CEP128: variants seen among roughly 807,000 people sequenced by gnomAD.
The protein encoded by CEP128 is centrosomal protein 128.
A neutral mutation model predicts 156.7 loss-of-function variants in CEP128; 132 were observed. The ratio of observed to expected loss-of-function variants is 0.84; its 90% CI spans 0.73 to 0.97. The LOEUF is 0.97. Among genes scored for constraint, CEP128 ranks in the 50% least tolerant of loss-of-function variants. CEP128 has a pLI of 0.00. For missense variants in CEP128, 1,252 were observed against 1,281.9 expected (o/e 0.98, Z 0.36); for synonymous variants, 469 against 448.9 (o/e 1.04, Z -0.57).
At chr14:80,739,246 C>T (rs774699857) in intron 19 of CEP128, among the ~76,000 whole-genome samples, 3 of 151,966 alleles carry the variant, frequency 2.0e-5, no homozygotes, top group Non-Finnish European at 4.4e-5. Flanking sequence ...AAGATTAGAC[C>T]CAATTACAGA....
At chr14:80,834,402 T>C (rs74064586) in intron 12 of CEP128, among the ~76,000 whole-genome samples, 9,816 of 152,206 alleles carry the variant, frequency 0.064, 1,049 homozygotes, top group African/African-American at 0.22. Flanking sequence ...TAGCAAATCA[T>C]GCAAAGTCAA....
chr14:80,716,909 A>C (rs1897627925), intron 19 of CEP128, among the ~76,000 whole-genome samples: 2 of 152,112 alleles, frequency 1.3e-5, no homozygotes, highest in Admixed American at 1.3e-4. Flanking sequence ...TATCTTTTTT[A>C]TTATAGCTGT....
upstream of CEP128, among the ~76,000 whole-genome samples, chr14:80,945,307 C>T (rs1463675378): frequency 1.3e-5 from 2 of 152,154 alleles, no homozygotes; most frequent in Non-Finnish European, 2.9e-5. Flanking sequence ...CTAATTTAAA[C>T]TTAACTACCT....
chr14:80,818,971 T>A (rs995786757), intron 13 of CEP128, among the ~76,000 whole-genome samples: 4 of 152,324 alleles, frequency 2.6e-5, no homozygotes, highest in South Asian at 2.1e-4. Flanking sequence ...TTTCTTAAGA[T>A]TTAGAGTTCC....
intron 9 of CEP128, among the ~76,000 whole-genome samples, chr14:80,845,057 C>A (rs137890786): frequency 6.6e-6 from 1 of 152,192 alleles, no homozygotes; most frequent in East Asian, 1.9e-4. Context: ...CTAACTAGAC[C>A]AGAGACTATG....
intron 4 of CEP128, among the ~76,000 whole-genome samples, chr14:80,907,359 G>A (rs780296374): frequency 4.6e-5 from 7 of 151,872 alleles, no homozygotes; most frequent in Non-Finnish European, 8.8e-5. Flanking sequence ...TTGAGTATTC[G>A]CCAGCCAGCT....
In CEP128 at chr14:80,914,243, G is replaced by T; in HGVS notation, c.234+79C>A. The stretch of plus-strand genomic sequence containing the variant: ...CACTTCACAATGGTTTTTTCCTTTA[G>T]CTCACAGCCCCATTCCCCAAAACAC... On this transcript the variant is annotated intron_variant, in intron 4 of 24. Coordinates refer to ENST00000555265, the MANE Select transcript of CEP128 (RefSeq NM_152446.5). 3.1e-6 allele frequency: 3 copies of T among 961,692 alleles called. No homozygotes were observed. The Admixed American group carries it at 5.6e-5, about 18-fold the overall frequency. The allele number at this position is 961,692 out of a possible 1,614,324, so 59.6% of individuals were successfully genotyped here. A position where few individuals can be genotyped will look rare whatever the true frequency, so the allele number is the denominator to read the frequency against.
chr14:80,533,085 T>C (rs891919317), intron 21 of CEP128, among the ~76,000 whole-genome samples: 1 of 152,184 alleles, frequency 6.6e-6, no homozygotes, highest in Non-Finnish European at 1.5e-5. Flanking sequence ...GAAAGATTCA[T>C]CAAAATGATG....
chr14:80,805,250 G>A (rs1189669010), intron 13 of CEP128, among the ~76,000 whole-genome samples: 1 of 152,066 alleles, frequency 6.6e-6, no homozygotes, highest in African/African-American at 2.4e-5. Context: ...TAGAGATTTG[G>A]AATGTGGAAA....
intron 9 of CEP128, among the ~76,000 whole-genome samples, chr14:80,850,597 C>G (rs1886841848): frequency 6.6e-6 from 1 of 152,126 alleles, no homozygotes; most frequent in Non-Finnish European, 1.5e-5. Context: ...TCTTTCTGTC[C>G]ATTATTTGCA....
downstream of CEP128, among the ~76,000 whole-genome samples, chr14:80,485,548 T>A (rs1175497199): frequency 6.6e-6 from 1 of 152,178 alleles, no homozygotes; most frequent in African/African-American, 2.4e-5. Context: ...TACTGAAACA[T>A]ATAGGTCTAG....
chr14:80,710,321 T>C (rs1897357431), intron 19 of CEP128, among the ~76,000 whole-genome samples: 1 of 152,048 alleles, frequency 6.6e-6, no homozygotes. Context: ...GTATGATATA[T>C]TGAGTATAGG....
intron 19 of CEP128, among the ~76,000 whole-genome samples, chr14:80,606,938 C>G (rs1237549905): frequency 6.6e-6 from 1 of 151,654 alleles, no homozygotes; most frequent in African/African-American, 2.4e-5. Flanking sequence ...CATTATTACT[C>G]TCTAAACTCT....
In CEP128 at chr14:80,621,005, T is replaced by C. The variant is rs368019729; in HGVS notation, c.2807-40582A>G. Among the ~76,000 whole-genome samples, 58 of 152,216 alleles carry C rather than the reference T, an allele frequency of 3.8e-4. 1 individual carries two copies. Among genetic ancestry groups the C allele is most frequent in the African/African-American group, 1.2e-3 (51 of 41,560 alleles). On this transcript the variant is annotated intron_variant, in intron 19 of 24. Coordinates refer to ENST00000555265, the MANE Select transcript of CEP128 (RefSeq NM_152446.5). Reference sequence around the variant, plus strand: ...ATGATATATACCAAATTCAGGATAATTGTCACATCTAAAGCCTGAGGGAAA... The same window carrying C: ...ATGATATATACCAAATTCAGGATAACTGTCACATCTAAAGCCTGAGGGAAA...
intron 14 of CEP128, among the ~76,000 whole-genome samples, chr14:80,787,095 T>G (rs1411955869): frequency 1.3e-5 from 2 of 152,198 alleles, no homozygotes; most frequent in Admixed American, 1.3e-4. Flanking sequence ...CCAACAGACT[T>G]AGTAGCTTAA....
At chr14:80,502,454 C>A (rs1887782041) in intron 24 of CEP128, among the ~76,000 whole-genome samples, 1 of 152,178 alleles carries the variant, frequency 6.6e-6, no homozygotes, top group Non-Finnish European at 1.5e-5. Flanking sequence ...CATGAATCAT[C>A]TATTGCCCCT....
chr14:80,731,657 G>C (rs1276765322), intron 19 of CEP128, among the ~76,000 whole-genome samples: 1 of 152,056 alleles, frequency 6.6e-6, no homozygotes, highest in Non-Finnish European at 1.5e-5. Context: ...TTGATGTGAT[G>C]GAACTGTTTA....
intron 19 of CEP128, among the ~76,000 whole-genome samples, chr14:80,718,204 C>T (rs2139445665): frequency 6.6e-6 from 1 of 152,220 alleles, no homozygotes; most frequent in East Asian, 1.9e-4. Context: ...AAGTCTTACA[C>T]GATTCAGTAG....
intron 20 of CEP128, 150 bp downstream of exon 20, chr14:80,580,224 C>T: frequency 1.9e-6 from 1 of 521,964 alleles, no homozygotes; most frequent in Non-Finnish European, 3.4e-6. Flanking sequence ...TCAGAGACTT[C>T]TAAAGGAAGC....
Sources: gnomAD v4.1 joint callset for allele counts (sites outside exome capture counted in the v4.1 genomes callset) on GRCh38, gnomAD v4.1.1 for gene constraint, MANE v1.5 for transcripts, NCBI Gene and HGNC (gene_info 2026-07-23, HGNC 2026-07-21) for gene names.